The following BTAF1 variants were observed in gnomAD, a reference collection of about 807,000 sequenced individuals.
BTAF1 encodes B-TFIID TATA-box binding protein associated factor 1.
Under a neutral mutation model 227.1 loss-of-function variants are expected in BTAF1, and 38 were observed. The observed-to-expected ratio is 0.17, with a 90% CI of 0.13 to 0.22. The LOEUF (loss-of-function observed/expected upper bound fraction) is 0.22, where lower values mean the gene tolerates loss of function less well. Ranked by LOEUF, BTAF1 falls within the 10% of genes least tolerant of loss-of-function variation. The probability of loss-of-function intolerance (pLI) is 1.00; values close to 1 mark genes in which losing one functional copy is unlikely to be tolerated. For synonymous variants in BTAF1, 742 were observed against 751.9 expected (o/e 0.99, Z 0.21); for missense variants, 1,598 against 2,204.0 (o/e 0.73, Z 5.51).
At chr10:92,025,038 A>G in intron 35 of BTAF1, 71 bp downstream of exon 35, 1 of 1,357,994 alleles carries the variant, frequency 7.4e-7, no homozygotes, top group South Asian at 1.3e-5. Flanking sequence ...GCCCCATGAA[A>G]TATTTTCATT....
chr10:91,929,359 C>T (rs528975727), intron 1 of BTAF1, among the ~76,000 whole-genome samples: 7 of 152,164 alleles, frequency 4.6e-5, no homozygotes, highest in African/African-American at 1.7e-4. Flanking sequence ...CTAGACAGTA[C>T]TTATAATATG....
intron 13 of BTAF1, among the ~76,000 whole-genome samples, chr10:91,965,105 CT>C (rs1846805673): frequency 6.6e-6 from 1 of 151,880 alleles, no homozygotes; most frequent in African/African-American, 2.4e-5. Flanking sequence ...GTTGGATAGC[CT>C]ATAAGTAGGA....
intron 14 of BTAF1, among the ~76,000 whole-genome samples, chr10:91,976,514 C>A (rs1847704972): frequency 6.6e-6 from 1 of 152,116 alleles, no homozygotes; most frequent in Non-Finnish European, 1.5e-5. Context: ...TATCTTGGGG[C>A]CTCCCAAGAG....
chr10:91,957,394 C>T (rs545036830), intron 8 of BTAF1, 101 bp downstream of exon 8: 133 of 926,172 alleles, frequency 1.4e-4, no homozygotes, highest in Non-Finnish European at 2.0e-4. Context: ...CTATTCTTCT[C>T]TGTTTGTCTC....
chr10:91,931,319 T>TA (rs1432295442), intron 1 of BTAF1, among the ~76,000 whole-genome samples: 11 of 152,230 alleles, frequency 7.2e-5, no homozygotes, highest in Non-Finnish European at 5.9e-5. Flanking sequence ...TTATTCTCAA[T>TA]AAATTTATAA....
chr10:91,959,117 A>G lies in BTAF1; in HGVS notation c.953A>G (p.Lys318Arg). The G allele has an allele frequency of 6.2e-7, 1 of 1,614,182 alleles. No individual in the cohort carries two copies. Among genetic ancestry groups the G allele is most frequent in the Non-Finnish European group, 8.5e-7 (1 of 1,180,016 alleles). The change falls in exon 9 of 38, where the codon AAA (lysine) becomes AGA (arginine). Residue 318 changes from lysine to arginine, a missense_variant. Lys to Arg is a conservative substitution (Grantham distance 26). Transcript: ENST00000265990. Reference sequence around the variant, plus strand: ...AGGGAAATTCTTAAAGCTCATGGGAAAAGTGGTGGTAAAATGGGTGACAGC... The same window carrying G: ...AGGGAAATTCTTAAAGCTCATGGGAGAAGTGGTGGTAAAATGGGTGACAGC... ...GLREILKAHG[K>R]SGGKMGDSTL... is the part of the protein sequence containing the mutation.
intron 23 of BTAF1, among the ~76,000 whole-genome samples, chr10:91,995,349 T>C (rs1849061323): frequency 1.3e-5 from 2 of 152,258 alleles, no homozygotes; most frequent in South Asian, 4.1e-4. Context: ...GTATGTCCTT[T>C]TACTTGTTAA....
chr10:91,987,147 T>C (rs910082982), intron 19 of BTAF1, among the ~76,000 whole-genome samples: 2 of 151,870 alleles, frequency 1.3e-5, no homozygotes, highest in African/African-American at 4.8e-5. Context: ...GATACTCTTT[T>C]TATTCCAGTC....
rs369977736 is a variant in BTAF1, at chr10:91,951,375, A to G, written c.401-28A>G. The G allele has an allele frequency of 1.9e-6, 3 of 1,595,858 alleles. No homozygotes were observed. In the African/African-American group the frequency reaches 4.1e-5, roughly 22 times the overall value. On this transcript the variant is annotated intron_variant, in intron 4 of 37. Transcript: ENST00000265990. ...TTAGAAAACTTCTTAACTGATTTGGAGAAAACGTATTTCTTTTCTGTTGAA... is the reference window on the plus strand; with the variant it reads ...TTAGAAAACTTCTTAACTGATTTGGGGAAAACGTATTTCTTTTCTGTTGAA...
At chr10:91,992,458 A>C in intron 21 of BTAF1, 149 bp downstream of exon 21, 1 of 739,526 alleles carries the variant, frequency 1.4e-6, no homozygotes, top group Non-Finnish European at 2.1e-6. Flanking sequence ...TATGATCCAG[A>C]AAAACGGCAA....
At position 91,962,814 on chromosome 10, in the gene BTAF1, G is replaced by A. The variant is rs148623560; in HGVS notation, c.1404+136G>A. On this transcript the variant is annotated intron_variant, in intron 12 of 37. Coordinates refer to ENST00000265990, the MANE Select transcript of BTAF1 (RefSeq NM_003972.3). Reference sequence around the variant, plus strand: ...TTTTAACAACAGCCCTCTGATGCATGCAATCTTGATTATATATTGTACTTT... The same window carrying A: ...TTTTAACAACAGCCCTCTGATGCATACAATCTTGATTATATATTGTACTTT... 139 of 650,308 alleles carry A rather than the reference G, an allele frequency of 2.1e-4. No homozygotes were observed. In the African/African-American group the frequency reaches 2.4e-3, roughly 11 times the overall value. The allele number at this position is 650,308 out of a possible 1,614,324, so 40.3% of individuals were successfully genotyped here. A position where few individuals can be genotyped will look rare whatever the true frequency, so the allele number is the denominator to read the frequency against.
chr10:92,011,167 T>A lies in BTAF1; in HGVS notation c.4181+17T>A. ...TTTCTTTAGGTAAGAATTAATTTTT[T>A]TTTTAGAAAAATTAATATCAAATTT... On this transcript the variant is annotated intron_variant, in intron 29 of 37. Transcript: ENST00000265990. 6.4e-7 allele frequency: 1 copy of A among 1,555,032 alleles called. No homozygotes were observed. The highest frequency in any genetic ancestry group is 8.7e-7 in the Non-Finnish European group (1 of 1,150,524).
intron 18 of BTAF1, 147 bp from the exon 19 acceptor site, chr10:91,984,053 GT>G: frequency 2.9e-6 from 2 of 681,230 alleles, no homozygotes; most frequent in Non-Finnish European, 2.4e-6. Flanking sequence ...CTTTTTTTCT[GT>G]GCAATTAACT....
At chr10:91,990,749 C>T (rs1418791349) in intron 20 of BTAF1, among the ~76,000 whole-genome samples, 5 of 151,724 alleles carry the variant, frequency 3.3e-5, no homozygotes, top group South Asian at 2.1e-4. Context: ...GCTGAGATCG[C>T]GCCATTGTAT....
chr10:91,924,109 G>C lies in BTAF1; in HGVS notation c.14+19G>C. 1 of 1,605,996 alleles carries C rather than the reference G, an allele frequency of 6.2e-7. No homozygotes were observed. On this transcript the variant is annotated intron_variant, in intron 1 of 37. Coordinates refer to ENST00000265990, the MANE Select transcript of BTAF1 (RefSeq NM_003972.3). Reference sequence around the variant, plus strand: ...TCTCCAGGTGGGTCTTGCTCCTGACGAGCAAACTGGAAGGCGATTCAGGGA... The same window carrying C: ...TCTCCAGGTGGGTCTTGCTCCTGACCAGCAAACTGGAAGGCGATTCAGGGA...
intron 3 of BTAF1, among the ~76,000 whole-genome samples, chr10:91,941,996 G>A (rs1204117924): frequency 6.6e-6 from 1 of 152,100 alleles, no homozygotes; most frequent in East Asian, 1.9e-4. Context: ...ATTACTATCC[G>A]GGTACAGTGG....
chr10:91,924,734 G>C (rs530235980), intron 1 of BTAF1, among the ~76,000 whole-genome samples: 3 of 152,186 alleles, frequency 2.0e-5, no homozygotes, highest in Admixed American at 2.0e-4. Flanking sequence ...CAACAGGAAA[G>C]CCCAGGAAAA....
chr10:91,947,898 T>G (rs1023105814), intron 4 of BTAF1, among the ~76,000 whole-genome samples: 1 of 152,176 alleles, frequency 6.6e-6, no homozygotes, highest in Non-Finnish European at 1.5e-5. Context: ...CTTGACAGAA[T>G]ACAAGTTGCT....
Position 91,982,198 on chromosome 10 carries a change from T to C in BTAF1, c.2021T>C (p.Val674Ala). Reference sequence around the variant, plus strand: ...GACCCAGCCACCAGGGATTTTGTAGTTATGCGGGCCAGAATGATGGCAGCC... The same window carrying C: ...GACCCAGCCACCAGGGATTTTGTAGCTATGCGGGCCAGAATGATGGCAGCC... ...MEDPATRDFV[V>A]MRARMMAAKL... Residue 674 changes from valine (V) to alanine (A), a missense_variant, in exon 17 of 38, where the codon GTT becomes GCT. Coordinates refer to ENST00000265990, the MANE Select transcript of BTAF1 (RefSeq NM_003972.3). The C allele has an allele frequency of 6.2e-7, 1 of 1,613,946 alleles. No individual in the cohort carries two copies. The highest frequency in any genetic ancestry group is 8.5e-7 in the Non-Finnish European group (1 of 1,179,878).
Sources: gnomAD v4.1 joint callset for allele counts (sites outside exome capture counted in the v4.1 genomes callset) on GRCh38, gnomAD v4.1.1 for gene constraint, MANE v1.5 for transcripts, NCBI Gene and HGNC (gene_info 2026-07-23, HGNC 2026-07-21) for gene names.